STARD13: variants seen among roughly 807,000 people sequenced by gnomAD.
STARD13 encodes stAR-related lipid transfer protein 13.
Under a neutral mutation model 106.4 loss-of-function variants are expected in STARD13, and 62 were observed. That is an observed-to-expected ratio of 0.58 (90% CI 0.48 to 0.72). The LOEUF is 0.72. Among genes scored for constraint, STARD13 ranks in the 30% least tolerant of loss-of-function variants. The pLI is 0.00. For synonymous variants in STARD13, 565 were observed against 553.0 expected (o/e 1.02, Z -0.31); for missense variants, 1,387 against 1,424.0 (o/e 0.97, Z 0.42).
the STARD13 span, chr13:33,519,855 C>T: frequency 1.3e-5 from 2 of 152,208 alleles, no homozygotes; most frequent in Non-Finnish European, 2.9e-5. Flanking sequence ...CAACTCAACA[C>T]AAAAACAGCA....
At chr13:33,361,514 A>C in the STARD13 span, among the ~76,000 whole-genome samples, 3 of 152,134 alleles carry the variant, frequency 2.0e-5, no homozygotes, top group Non-Finnish European at 4.4e-5. Context: ...TGCATTGTTC[A>C]ATGATGTATT....
the STARD13 span, among the ~76,000 whole-genome samples, chr13:33,445,619 A>AAT: frequency 8.6e-5 from 13 of 151,832 alleles, no homozygotes; most frequent in South Asian, 8.3e-4. Context: ...TATATAAATA[A>AAT]ATATATATAT....
At chr13:33,535,014 G>A in the STARD13 span, among the ~76,000 whole-genome samples, 4 of 152,174 alleles carry the variant, frequency 2.6e-5, no homozygotes, top group South Asian at 6.2e-4. Context: ...TCAGGAGTTC[G>A]AGAACAGCCT....
chr13:33,488,013 A>T, the STARD13 span, among the ~76,000 whole-genome samples: 1 of 152,056 alleles, frequency 6.6e-6, no homozygotes, highest in Non-Finnish European at 1.5e-5. Flanking sequence ...TCCCTTGGTG[A>T]TACCATTCTT....
intron 1 of STARD13, among the ~76,000 whole-genome samples, chr13:33,186,624 C>CT (rs1205761788): frequency 1.3e-5 from 2 of 152,140 alleles, no homozygotes; most frequent in African/African-American, 4.8e-5. Context: ...TATGGTACTT[C>CT]TTTTTTCTGT....
Position 33,105,455 on chromosome 13 carries a change from C to T in STARD13, c.*138G>A, listed in dbSNP as rs1386636635. On this transcript the variant is annotated 3_prime_UTR_variant, in exon 14 of 14. Transcript: ENST00000336934. The stretch of plus-strand genomic sequence containing the variant: ...AATTCTTGCATCTCCAACATTCCAA[C>T]TTCTTAACGTTTCCATTTTTAGGCA... 1 of 629,168 alleles carries T rather than the reference C, an allele frequency of 1.6e-6. No individual in the cohort carries two copies. Among genetic ancestry groups the T allele is most frequent in the Admixed American group, 2.7e-5 (1 of 37,194 alleles). 39.0% of individuals were successfully genotyped at this position (629,168 alleles called of 1,614,324 possible). A position where few individuals can be genotyped will look rare whatever the true frequency, so the allele number is the denominator to read the frequency against.
chr13:33,592,271 G>A, the STARD13 span, among the ~76,000 whole-genome samples: 1 of 152,070 alleles, frequency 6.6e-6, no homozygotes, highest in Admixed American at 6.6e-5. Context: ...ATCCCCTTTG[G>A]TATTCAAAGA....
intron 2 of STARD13, among the ~76,000 whole-genome samples, chr13:33,166,810 C>A: frequency 6.6e-6 from 1 of 151,938 alleles, no homozygotes; most frequent in East Asian, 1.9e-4. Context: ...GCCTGACCCA[C>A]GTGGTGAAAC....
chr13:33,589,472 G>A, the STARD13 span, among the ~76,000 whole-genome samples: 1 of 152,170 alleles, frequency 6.6e-6, no homozygotes, highest in East Asian at 1.9e-4. Flanking sequence ...TGCTTTAAAT[G>A]TGTCCCAGAG....
At chr13:33,341,616 A>G (rs2077962305) in intron 1 of STARD13, among the ~76,000 whole-genome samples, 1 of 151,914 alleles carries the variant, frequency 6.6e-6, no homozygotes, top group Non-Finnish European at 1.5e-5. Context: ...AGAAGAAGAA[A>G]AAAAGAAATT....
At chr13:33,524,393 G>A in the STARD13 span, 1 of 554,436 alleles carries the variant, frequency 1.8e-6, no homozygotes, top group Non-Finnish European at 2.6e-6. Flanking sequence ...ATTTTTTAAA[G>A]AGGTTTTTTT....
chr13:33,177,060 T>C (rs778585806), intron 1 of STARD13, among the ~76,000 whole-genome samples: 3 of 152,188 alleles, frequency 2.0e-5, no homozygotes, highest in African/African-American at 4.8e-5. Context: ...TATGTAAAGA[T>C]ACATCTATTT....
chr13:33,500,015 A>G, the STARD13 span, among the ~76,000 whole-genome samples: 1 of 151,612 alleles, frequency 6.6e-6, no homozygotes, highest in Admixed American at 6.6e-5. Flanking sequence ...TGGCCTCCCA[A>G]ACTGCTGGGA....
the STARD13 span, among the ~76,000 whole-genome samples, chr13:33,639,776 C>T: frequency 2.0e-5 from 3 of 152,248 alleles, no homozygotes; most frequent in Admixed American, 6.5e-5. Context: ...CCCAGCTGTT[C>T]TGTACCTCAC....
chr13:33,671,088 A>G, the STARD13 span, among the ~76,000 whole-genome samples: 2 of 152,164 alleles, frequency 1.3e-5, no homozygotes, highest in African/African-American at 4.8e-5. Flanking sequence ...TTTGCACCCT[A>G]TGTATTTTGT....
chr13:33,167,576 G>A lies in STARD13; in HGVS notation c.216C>T (p.Phe72=). Residue 72 remains phenylalanine (F), a synonymous_variant, in exon 2 of 14, where the codon TTC becomes TTT. Coordinates refer to ENST00000336934, the MANE Select transcript of STARD13 (RefSeq NM_178006.4). ...CCTCATATAACTGAGCGTATTGCGG[G>A]AACCCGGCAGCACGGAGCCAGTCAC... ...EACDWLRAAG[F]PQYAQLYEDS... 6 of 1,614,212 alleles carry A rather than the reference G, an allele frequency of 3.7e-6. No individual in the cohort carries two copies. The highest frequency in any genetic ancestry group is 4.2e-6 in the Non-Finnish European group (5 of 1,180,034).
rs117192469 is a variant in STARD13, at chr13:33,218,742, T to C, written c.170-51120A>G. ...ACTATATAAATTCAGATGGCATTAT[T>C]GTAACATATCTTTCATTCAGTTGTC... On this transcript the variant is annotated intron_variant, in intron 1 of 13. Transcript: ENST00000336934. Among the ~76,000 whole-genome samples the C allele has an allele frequency of 5.1e-3, 774 of 152,358 alleles. 25 individuals carry two copies. The East Asian group carries it at 0.063, about 12-fold the overall frequency.
At chr13:33,669,520 A>G in the STARD13 span, among the ~76,000 whole-genome samples, 9,330 of 149,730 alleles carry the variant, frequency 0.062, 760 homozygotes, top group East Asian at 0.24. Flanking sequence ...TATGATAAGA[A>G]GAGGATGTTC....
In STARD13 at chr13:33,325,675, A is replaced by T. The variant is rs2077765427; in HGVS notation, c.124+24615T>A. On this transcript the variant is annotated intron_variant, in intron 1 of 5. Coordinates refer to the STARD13 transcript ENST00000567873. The stretch of plus-strand genomic sequence containing the variant: ...TAGAAAGTCATCTTGAGTCCTGTGA[A>T]GCCCAACATTGTCTCTGTTACTAAG... Among the ~76,000 whole-genome samples the T allele has an allele frequency of 2.0e-5, 3 of 152,162 alleles. No individual in the cohort carries two copies. The South Asian group carries it at 6.2e-4, about 31-fold the overall frequency.
Sources: gnomAD v4.1 joint callset for allele counts (sites outside exome capture counted in the v4.1 genomes callset) on GRCh38, gnomAD v4.1.1 for gene constraint, MANE v1.5 for transcripts, NCBI Gene and HGNC (gene_info 2026-07-23, HGNC 2026-07-21) for gene names.